The following PLCB1 variants were observed in gnomAD, a reference collection of about 807,000 sequenced individuals.
PLCB1 encodes the protein phospholipase C beta 1.
PLCB1 carries 46 observed loss-of-function variants against 161.8 expected under a neutral mutation model. The observed-to-expected ratio is 0.28, with a 90% CI of 0.22 to 0.36. The LOEUF is 0.36. Ranked by LOEUF, PLCB1 falls within the 10% of genes least tolerant of loss-of-function variation. The probability of loss-of-function intolerance (pLI) is 1.00; values close to 1 mark genes in which losing one functional copy is unlikely to be tolerated. For synonymous variants in PLCB1, 517 were observed against 503.7 expected, an observed-to-expected ratio of 1.03 and a Z score of -0.35; for missense variants, 1,016 against 1,472.5, an observed-to-expected ratio of 0.69 and a Z score of 5.07.
At chr20:8,753,443 C>T (rs1981585445) in intron 23 of PLCB1, among the ~76,000 whole-genome samples, 1 of 152,146 alleles carries the variant, frequency 6.6e-6, no homozygotes, top group Non-Finnish European at 1.5e-5. Context: ...AGGTCCCTGA[C>T]AAGAGTCAGA....
At chr20:8,163,868 C>T (rs572391788) in intron 2 of PLCB1, among the ~76,000 whole-genome samples, 25 of 152,294 alleles carry the variant, frequency 1.6e-4, no homozygotes, top group Admixed American at 1.6e-3. Flanking sequence ...ACATCCTATA[C>T]TGGAAGCTTC....
chr20:8,151,792 A>G (rs930939777), intron 2 of PLCB1, among the ~76,000 whole-genome samples: 6 of 152,244 alleles, frequency 3.9e-5, no homozygotes, highest in South Asian at 2.1e-4. Flanking sequence ...CGAGAGACCA[A>G]ACTGTCAGTT....
chr20:8,609,532 C>G (rs1180110318), intron 3 of PLCB1, among the ~76,000 whole-genome samples: 2 of 152,174 alleles, frequency 1.3e-5, no homozygotes, highest in Non-Finnish European at 2.9e-5. Context: ...TTTTAACCAT[C>G]TTTTTTCTCT....
intron 4 of PLCB1, 194 bp downstream of exon 4, chr20:8,628,625 GA>G (rs1988431000): frequency 3.4e-6 from 2 of 587,642 alleles, no homozygotes; most frequent in South Asian, 4.7e-5. Context: ...GAATTATGGA[GA>G]TTTTTTTCAT....
chr20:8,878,180 T>C (rs1029466257), intron 31 of PLCB1, among the ~76,000 whole-genome samples: 41 of 152,284 alleles, frequency 2.7e-4, no homozygotes, highest in Non-Finnish European at 5.0e-4. Context: ...AGGTACAATA[T>C]ATCCATAGCT....
At chr20:8,203,685 G>T (rs1439461610) in intron 2 of PLCB1, among the ~76,000 whole-genome samples, 1 of 152,134 alleles carries the variant, frequency 6.6e-6, no homozygotes, top group Non-Finnish European at 1.5e-5. Context: ...CTATTGTCTT[G>T]CTGAAGAATG....
At chr20:8,135,555 T>G (rs1184627611) in intron 1 of PLCB1, among the ~76,000 whole-genome samples, 9 of 152,160 alleles carry the variant, frequency 5.9e-5, no homozygotes, top group Admixed American at 5.9e-4. Context: ...TACCCTGTTG[T>G]ACCAGGGCCA....
chr20:8,214,875 G>A (rs185964142), intron 2 of PLCB1, among the ~76,000 whole-genome samples: 16 of 151,902 alleles, frequency 1.1e-4, no homozygotes, highest in Admixed American at 2.6e-4. Flanking sequence ...AGTTATTTGC[G>A]GGGACTGTTT....
intron 31 of PLCB1, among the ~76,000 whole-genome samples, chr20:8,827,993 G>T (rs1985791584): frequency 6.6e-6 from 1 of 152,188 alleles, no homozygotes; most frequent in Admixed American, 6.5e-5. Context: ...AGAAAAGTTT[G>T]TTAACTCTTG....
In PLCB1 at chr20:8,722,332, A is replaced by G. The variant is rs761478891; in HGVS notation, c.1514-22A>G. On this transcript the variant is annotated intron_variant, in intron 14 of 31. Coordinates refer to ENST00000338037, the MANE Select transcript of PLCB1 (RefSeq NM_015192.4). ...TAAATGTTGAAATGGTGACATGATG[A>G]TCTGTTATTAAAATTTGACAGGAGA... 1.8e-5 allele frequency: 28 copies of G among 1,577,556 alleles called. 1 individual carries two copies. The South Asian group carries it at 3.1e-4, about 18-fold the overall frequency.
At chr20:8,772,325 T>A (rs1182243820) in intron 26 of PLCB1, among the ~76,000 whole-genome samples, 2 of 152,112 alleles carry the variant, frequency 1.3e-5, no homozygotes, top group African/African-American at 4.8e-5. Flanking sequence ...TACTCAAAAA[T>A]AGTTTTGGTC....
intron 1 of PLCB1, among the ~76,000 whole-genome samples, chr20:8,138,470 A>C (rs908584310): frequency 6.6e-6 from 1 of 152,184 alleles, no homozygotes; most frequent in Non-Finnish European, 1.5e-5. Flanking sequence ...AACTGAAATC[A>C]TTGGTCTTCT....
chr20:8,352,786 G>A (rs150238359), intron 2 of PLCB1, among the ~76,000 whole-genome samples: 6 of 152,144 alleles, frequency 3.9e-5, no homozygotes, highest in East Asian at 1.9e-4. Context: ...GATGGCTGAC[G>A]GTGGAAGCAA....
intron 2 of PLCB1, among the ~76,000 whole-genome samples, chr20:8,320,798 GAAGAAAGA>G (rs143431395): frequency 8.0e-6 from 1 of 125,468 alleles, no homozygotes; most frequent in African/African-American, 2.9e-5. Context: ...CAGAAAGAAA[GAAGAAAGA>G]AAGAAAGAAA....
intron 3 of PLCB1, among the ~76,000 whole-genome samples, chr20:8,374,649 G>T (rs1178626917): frequency 6.6e-6 from 1 of 152,128 alleles, no homozygotes; most frequent in Non-Finnish European, 1.5e-5. Flanking sequence ...CTAGACCATT[G>T]AGTTGGTTAG....
In PLCB1 at chr20:8,649,063, G is replaced by T. The variant is rs529905805; in HGVS notation, c.519-311G>T. Among the ~76,000 whole-genome samples, 13 of 152,094 alleles carry T rather than the reference G, an allele frequency of 8.5e-5. No individual in the cohort carries two copies. The East Asian group carries it at 2.5e-3, about 29-fold the overall frequency. On this transcript the variant is annotated intron_variant, in intron 6 of 31. Transcript: ENST00000338037. The stretch of plus-strand genomic sequence containing the variant: ...TGGGGCAATGGGTAGTAGCAGCAAG[G>T]GGACAGAATTAATAAGGATGTTTAT...
At chr20:8,832,091 TA>T (rs1170414741) in intron 31 of PLCB1, among the ~76,000 whole-genome samples, 1 of 152,220 alleles carries the variant, frequency 6.6e-6, no homozygotes, top group East Asian at 1.9e-4. Flanking sequence ...TCAGAGTTTT[TA>T]ATGCCAGAAT....
At chr20:8,456,572 C>A (rs1981327316) in intron 3 of PLCB1, among the ~76,000 whole-genome samples, 1 of 151,702 alleles carries the variant, frequency 6.6e-6, no homozygotes, top group African/African-American at 2.4e-5. Flanking sequence ...AAATAAATTT[C>A]AATATAAAAT....
chr20:8,732,624 GAATTAGA>G (rs11472797), intron 18 of PLCB1, among the ~76,000 whole-genome samples: 10 of 142,568 alleles, frequency 7.0e-5, no homozygotes, highest in African/African-American at 1.3e-4. Flanking sequence ...TTAGATATTA[GAATTAGA>G]AATTAGAAAT....
Sources: allele counts gnomAD v4.1 joint callset (sites outside exome capture counted in the v4.1 genomes callset), GRCh38; gene constraint gnomAD v4.1.1; transcripts MANE v1.5; gene names NCBI Gene and HGNC (gene_info 2026-07-23, HGNC 2026-07-21).